RAP1GDS1: variants seen among roughly 807,000 people sequenced by gnomAD.
RAP1GDS1 encodes the protein Rap1 GTPase-GDP dissociation stimulator 1.
Under a neutral mutation model 71.1 loss-of-function variants are expected in RAP1GDS1, and 35 were observed. The observed-to-expected ratio is 0.49, with a 90% confidence interval of 0.38 to 0.65. The LOEUF is 0.65. Ranked by LOEUF, RAP1GDS1 falls within the 30% of genes least tolerant of loss-of-function variation. RAP1GDS1 has a pLI of 0.00. For synonymous variants in RAP1GDS1, 229 were observed against 243.1 expected (o/e 0.94, Z 0.54); for missense variants, 663 against 706.1 (o/e 0.94, Z 0.69).
rs1352397587 is a variant in RAP1GDS1 at position 98,343,145 on chromosome 4, A to G, written c.119A>G (p.Glu40Gly). 6.2e-7 allele frequency: 1 copy of G among 1,608,574 alleles called. No individual in the cohort carries two copies. The highest frequency in any genetic ancestry group is 8.5e-7 in the Non-Finnish European group (1 of 1,176,602). The change falls in exon 3 of 15, where the codon GAA becomes GGA. Residue 40 changes from glutamate to glycine, a missense_variant. Coordinates refer to ENST00000408927, the MANE Select transcript of RAP1GDS1 (RefSeq NM_001100427.2). Reference protein sequence around the residue: ...LLQALAQNNTETSEKIQASGI... With the variant: ...LLQALAQNNTGTSEKIQASGI... ...TTGTATGTATCTCTTTTAGATACGG[A>G]AACAAGTGAAAAAATCCAAGCAAGT...
At chr4:98,321,316 C>A (rs1387144906) in intron 2 of RAP1GDS1, among the ~76,000 whole-genome samples, 1 of 148,928 alleles carries the variant, frequency 6.7e-6, no homozygotes, top group African/African-American at 2.5e-5. Context: ...GAAAGTGAGG[C>A]GGAGAATGGA....
chr4:98,348,866 A>G (rs1490700748), intron 3 of RAP1GDS1, among the ~76,000 whole-genome samples: 1 of 152,076 alleles, frequency 6.6e-6, no homozygotes, highest in African/African-American at 2.4e-5. Context: ...TCTGGATATT[A>G]GCCGTTTGTC....
At chr4:98,304,283 C>T (rs1229950679) in intron 2 of RAP1GDS1, among the ~76,000 whole-genome samples, 2 of 152,194 alleles carry the variant, frequency 1.3e-5, no homozygotes, top group Non-Finnish European at 2.9e-5. Context: ...CTGTCTTCCA[C>T]AATGGTTGAA....
intron 12 of RAP1GDS1, among the ~76,000 whole-genome samples, chr4:98,424,770 C>CAA (rs1157760868): frequency 0.011 from 878 of 83,570 alleles, 13 homozygotes; most frequent in African/African-American, 0.035. Context: ...ACTCTGTCTC[C>CAA]AAAAAAAAAA....
chr4:98,308,743 A>G (rs1165720406), intron 2 of RAP1GDS1, among the ~76,000 whole-genome samples: 2 of 152,162 alleles, frequency 1.3e-5, no homozygotes, highest in Non-Finnish European at 2.9e-5. Flanking sequence ...ATTCAGGGAC[A>G]AATATTTATC....
intron 12 of RAP1GDS1, among the ~76,000 whole-genome samples, chr4:98,423,005 A>G (rs1365154087): frequency 6.6e-6 from 1 of 152,252 alleles, no homozygotes; most frequent in Non-Finnish European, 1.5e-5. Context: ...TGTTCATTTA[A>G]CAGTTAATAT....
intron 1 of RAP1GDS1, among the ~76,000 whole-genome samples, chr4:98,268,878 T>C (rs1276884153): frequency 6.6e-6 from 1 of 152,190 alleles, no homozygotes; most frequent in Non-Finnish European, 1.5e-5. Context: ...ATGTTCATAG[T>C]ACTGAAAGTG....
At chr4:98,279,050 G>A (rs113906033) in intron 1 of RAP1GDS1, among the ~76,000 whole-genome samples, 2,955 of 152,092 alleles carry the variant, frequency 0.019, 105 homozygotes, top group African/African-American at 0.068. Flanking sequence ...GTGAAACCCC[G>A]TCTCTACTAA....
At position 98,291,051 on chromosome 4, in the gene RAP1GDS1, A is replaced by G. The variant is rs140473173; in HGVS notation, c.5-2357A>G. Reference sequence around the variant, plus strand: ...TGTTTCAGAAATGGAAAAACTGTCTATTGCTACAGAGATATCAAACAAGAG... The same window carrying G: ...TGTTTCAGAAATGGAAAAACTGTCTGTTGCTACAGAGATATCAAACAAGAG... On this transcript the variant is annotated intron_variant, in intron 1 of 14. Transcript: ENST00000408927. 2.8e-3 allele frequency among the ~76,000 whole-genome samples: 428 copies of G among 152,288 alleles called. 3 individuals are homozygous for G. Among genetic ancestry groups the G allele is most frequent in the African/African-American group, 9.8e-3 (407 of 41,588 alleles).
chr4:98,309,992 T>G lies in RAP1GDS1; in HGVS notation c.112+16477T>G, dbSNP rs1295341018. Among the ~76,000 whole-genome samples, 4 of 152,002 alleles carry G rather than the reference T, an allele frequency of 2.6e-5. No homozygotes were observed. In the East Asian group the frequency reaches 7.7e-4, roughly 29 times the overall value. On this transcript the variant is annotated intron_variant, in intron 2 of 14. Transcript: ENST00000408927. ...TAGGTCGACTCATTAGAATAGTTGG[T>G]GAGTATTCAAACAGAATTGAGCTCA...
At chr4:98,332,369 G>C (rs1017160376) in intron 2 of RAP1GDS1, among the ~76,000 whole-genome samples, 1 of 152,160 alleles carries the variant, frequency 6.6e-6, no homozygotes, top group Non-Finnish European at 1.5e-5. Flanking sequence ...GTTTTACTAG[G>C]AAACATTGCT....
At chr4:98,420,247 T>TA in intron 11 of RAP1GDS1, 103 bp downstream of exon 11, 10 of 1,129,480 alleles carry the variant, frequency 8.9e-6, no homozygotes, top group East Asian at 3.0e-5. Context: ...TATGTAATCA[T>TA]AAAAAATAGC....
At chr4:98,273,904 A>G (rs970127520) in intron 1 of RAP1GDS1, among the ~76,000 whole-genome samples, 2 of 152,208 alleles carry the variant, frequency 1.3e-5, no homozygotes, top group African/African-American at 2.4e-5. Context: ...ATGGATTTTG[A>G]AATATAGAAA....
intron 1 of RAP1GDS1, among the ~76,000 whole-genome samples, chr4:98,291,659 C>A (rs1726945114): frequency 6.6e-6 from 1 of 152,100 alleles, no homozygotes; most frequent in Admixed American, 6.6e-5. Context: ...TGTAGAGTCA[C>A]AATGGGATTA....
chr4:98,375,982 A>G lies in RAP1GDS1; in HGVS notation c.362-3035A>G, dbSNP rs147120725. Among the ~76,000 whole-genome samples the G allele has an allele frequency of 6.0e-4, 91 of 152,212 alleles. 1 individual carries two copies. The highest frequency in any genetic ancestry group is 1.7e-3 in the East Asian group (9 of 5,176). On this transcript the variant is annotated intron_variant, in intron 4 of 14. Coordinates refer to ENST00000408927, the MANE Select transcript of RAP1GDS1 (RefSeq NM_001100427.2). The stretch of plus-strand genomic sequence containing the variant: ...TTTTTTCTCATTTGTGAGACATGAT[A>G]ACCATGACACAAATTTTATTGCTGC...
intron 1 of RAP1GDS1, among the ~76,000 whole-genome samples, chr4:98,276,336 T>G (rs1724198354): frequency 6.6e-6 from 1 of 152,138 alleles, no homozygotes; most frequent in African/African-American, 2.4e-5. Flanking sequence ...ACATTCCATC[T>G]ATAACAAGTA....
At chr4:98,276,087 G>T (rs890455239) in intron 1 of RAP1GDS1, among the ~76,000 whole-genome samples, 1 of 152,068 alleles carries the variant, frequency 6.6e-6, no homozygotes, top group African/African-American at 2.4e-5. Flanking sequence ...CAAGATCAAG[G>T]TGCTGGCAGA....
At chr4:98,328,994 A>G (rs962608369) in intron 2 of RAP1GDS1, among the ~76,000 whole-genome samples, 34 of 152,240 alleles carry the variant, frequency 2.2e-4, no homozygotes, top group African/African-American at 8.2e-4. Context: ...GTGGGAAGTG[A>G]CACTTTTTAC....
At chr4:98,396,858 G>A (rs1744622997) in intron 6 of RAP1GDS1, 1 of 152,094 alleles carries the variant, frequency 6.6e-6, no homozygotes, top group Admixed American at 6.6e-5. Flanking sequence ...ATTACTAAAT[G>A]CTACAGTTAC....
Sources: gnomAD v4.1 joint callset for allele counts (sites outside exome capture counted in the v4.1 genomes callset) on GRCh38, gnomAD v4.1.1 for gene constraint, MANE v1.5 for transcripts, NCBI Gene and HGNC (gene_info 2026-07-23, HGNC 2026-07-21) for gene names.